SCARA5: variants seen among roughly 807,000 people sequenced by gnomAD.
The protein encoded by SCARA5 is scavenger receptor class A, member 5 (putative).
Under a neutral mutation model 46.3 loss-of-function variants are expected in SCARA5, and 45 were observed. The ratio of observed to expected loss-of-function variants is 0.97; its 90% CI spans 0.76 to 1.24. The LOEUF (loss-of-function observed/expected upper bound fraction) is 1.24, where lower values mean the gene tolerates loss of function less well. SCARA5 is among the 50% of genes most tolerant of loss of function. The probability of loss-of-function intolerance (pLI) is 0.00; values close to 1 mark genes in which losing one functional copy is unlikely to be tolerated. For missense variants in SCARA5, 680 were observed against 689.0 expected (o/e 0.99, Z 0.15); for synonymous variants, 333 against 306.5 (o/e 1.09, Z -0.90).
At position 27,987,583 on chromosome 8, in the gene SCARA5, G is replaced by A; in HGVS notation, c.33C>T (p.Val11=). 6.2e-7 allele frequency: 1 copy of A among 1,614,042 alleles called. No homozygotes were observed. Among genetic ancestry groups the A allele is most frequent in the Non-Finnish European group, 8.5e-7 (1 of 1,179,886 alleles). MENKAMYLHT[V]SDCDTSSICE... ...AGATGGAGCTGGTGTCACAGTCGCT[G>A]ACGGTGTGTAGGTACATAGCTTTGT... is the stretch of plus-strand genomic sequence containing the variant. The change falls in exon 2 of 9, where the codon GTC becomes GTT. Residue 11 remains valine, a synonymous_variant. Coordinates refer to ENST00000354914, the MANE Select transcript of SCARA5 (RefSeq NM_173833.6).
intron 3 of SCARA5, among the ~76,000 whole-genome samples, chr8:27,932,968 G>T (rs986177911): frequency 1.3e-5 from 2 of 152,224 alleles, no homozygotes; most frequent in African/African-American, 4.8e-5. Context: ...AGTCCTATGG[G>T]ATCAGGGCCC....
chr8:27,977,667 C>G (rs1808546843), intron 2 of SCARA5, among the ~76,000 whole-genome samples: 1 of 152,226 alleles, frequency 6.6e-6, no homozygotes, highest in South Asian at 2.1e-4. Flanking sequence ...TGTTCACTGT[C>G]ATAAGACTTG....
intron 3 of SCARA5, among the ~76,000 whole-genome samples, chr8:27,952,743 A>G (rs1364920869): frequency 6.6e-6 from 1 of 152,216 alleles, no homozygotes; most frequent in Non-Finnish European, 1.5e-5. Flanking sequence ...CCGTATGGAC[A>G]ATGGACTGTG....
intron 3 of SCARA5, among the ~76,000 whole-genome samples, chr8:27,960,025 G>A (rs1468453947): frequency 6.6e-6 from 1 of 152,178 alleles, no homozygotes; most frequent in Non-Finnish European, 1.5e-5. Flanking sequence ...GGAAACATGT[G>A]CATATGGACA....
intron 8 of SCARA5, 127 bp from the exon 9 acceptor site, chr8:27,872,197 C>A: frequency 1.2e-6 from 1 of 833,080 alleles, no homozygotes; most frequent in South Asian, 1.6e-5. Flanking sequence ...CTTCCAGCTG[C>A]CCTCTCCACG....
chr8:27,914,923 C>T (rs889059742), intron 4 of SCARA5, among the ~76,000 whole-genome samples: 5 of 152,210 alleles, frequency 3.3e-5, no homozygotes, highest in Non-Finnish European at 5.9e-5. Context: ...ATGCCTTCTC[C>T]CTTCCCTGAT....
chr8:27,899,454 A>G (rs1205153802), intron 7 of SCARA5, among the ~76,000 whole-genome samples: 1 of 152,224 alleles, frequency 6.6e-6, no homozygotes, highest in Non-Finnish European at 1.5e-5. Context: ...ATTTTCTCAA[A>G]GTGGAAGTGC....
intron 3 of SCARA5, among the ~76,000 whole-genome samples, chr8:27,922,462 G>A (rs1807614894): frequency 1.3e-5 from 2 of 152,160 alleles, no homozygotes; most frequent in South Asian, 4.1e-4. Context: ...ACCTGGCTAG[G>A]TGTCTCACCT....
At chr8:27,882,797 C>T (rs1464193151) in intron 7 of SCARA5, among the ~76,000 whole-genome samples, 1 of 152,212 alleles carries the variant, frequency 6.6e-6, no homozygotes, top group East Asian at 1.9e-4. Context: ...GTGCCAGGTG[C>T]TTCCTGATTT....
intron 7 of SCARA5, among the ~76,000 whole-genome samples, chr8:27,894,759 T>A (rs900887157): frequency 6.6e-6 from 1 of 152,212 alleles, no homozygotes; most frequent in Non-Finnish European, 1.5e-5. Flanking sequence ...CTCTTCCGTG[T>A]CTCTCTGCAC....
intron 2 of SCARA5, among the ~76,000 whole-genome samples, chr8:27,972,694 T>C (rs912821621): frequency 6.6e-6 from 1 of 152,090 alleles, no homozygotes; most frequent in African/African-American, 2.4e-5. Context: ...TCTGACCCTA[T>C]CTCTACAAAA....
At chr8:27,973,176 CT>C (rs1207647255) in intron 2 of SCARA5, among the ~76,000 whole-genome samples, 2 of 152,076 alleles carry the variant, frequency 1.3e-5, no homozygotes, top group Non-Finnish European at 2.9e-5. Context: ...AACTTTTGGT[CT>C]GAAAAAATAA....
At chr8:27,872,282 T>C (rs894491311) in intron 8 of SCARA5, among the ~76,000 whole-genome samples, 6 of 152,208 alleles carry the variant, frequency 3.9e-5, no homozygotes, top group Non-Finnish European at 8.8e-5. Context: ...TTGGTGATGA[T>C]GGTAGTAGCT....
At chr8:27,882,201 C>T (rs570514705) in intron 7 of SCARA5, among the ~76,000 whole-genome samples, 2 of 152,296 alleles carry the variant, frequency 1.3e-5, no homozygotes, top group South Asian at 4.2e-4. Context: ...AAGGTTGCTT[C>T]ATGTCTTTTC....
chr8:27,925,898 GA>G (rs1252136173), intron 3 of SCARA5, among the ~76,000 whole-genome samples: 3 of 152,214 alleles, frequency 2.0e-5, no homozygotes, highest in Non-Finnish European at 4.4e-5. Context: ...ACCACAATGA[GA>G]TATGATCTCA....
chr8:27,944,847 G>A (rs915184213), intron 3 of SCARA5, among the ~76,000 whole-genome samples: 2 of 152,084 alleles, frequency 1.3e-5, no homozygotes, highest in African/African-American at 4.8e-5. Context: ...TCGTCTGGGC[G>A]ACAGAGCGAG....
At chr8:27,878,718 C>T (rs954155586) in intron 8 of SCARA5, among the ~76,000 whole-genome samples, 33 of 152,200 alleles carry the variant, frequency 2.2e-4, no homozygotes, top group African/African-American at 8.0e-4. Flanking sequence ...TGGGCCTAAA[C>T]ATCGGGTCTG....
At chr8:27,923,556 T>G (rs1807633927) in intron 3 of SCARA5, among the ~76,000 whole-genome samples, 2 of 152,158 alleles carry the variant, frequency 1.3e-5, no homozygotes, top group South Asian at 4.1e-4. Context: ...GTTTGTTTGT[T>G]GTGTTTTCTG....
intron 4 of SCARA5, among the ~76,000 whole-genome samples, chr8:27,921,068 G>A (rs1807575748): frequency 6.6e-6 from 1 of 152,202 alleles, no homozygotes; most frequent in African/African-American, 2.4e-5. Flanking sequence ...AATGAAATAC[G>A]TTCTTTTGCC....
Sources: gnomAD v4.1 joint callset for allele counts (sites outside exome capture counted in the v4.1 genomes callset) on GRCh38, gnomAD v4.1.1 for gene constraint, MANE v1.5 for transcripts, NCBI Gene and HGNC (gene_info 2026-07-23, HGNC 2026-07-21) for gene names.